The following CCDC93 variants were observed in gnomAD, a reference collection of about 807,000 sequenced individuals.
The protein encoded by CCDC93 is coiled-coil domain-containing protein 93.
In CCDC93, 61 loss-of-function variants were observed where a neutral mutation model predicts 108.2. The ratio of observed to expected loss-of-function variants is 0.56; its 90% confidence interval spans 0.46 to 0.70. The LOEUF is 0.70. CCDC93 is among the 30% of genes least tolerant of loss of function. The pLI is 0.00. For missense variants in CCDC93, 685 were observed against 764.2 expected (o/e 0.90, Z 1.22); for synonymous variants, 276 against 260.4 (o/e 1.06, Z -0.58).
intron 16 of CCDC93, among the ~76,000 whole-genome samples, chr2:117,946,143 G>A (rs17511227): frequency 1.3e-5 from 2 of 152,202 alleles, no homozygotes; most frequent in East Asian, 1.9e-4. Flanking sequence ...GCAGTGTCCT[G>A]TACAGCCATG....
intron 11 of CCDC93, among the ~76,000 whole-genome samples, chr2:117,961,852 C>T (rs1679405622): frequency 1.3e-5 from 2 of 152,354 alleles, no homozygotes; most frequent in African/African-American, 4.8e-5. Context: ...CAAAATGCAA[C>T]ATCTGTCAAA....
intron 3 of CCDC93, among the ~76,000 whole-genome samples, chr2:118,004,071 C>T (rs1676793246): frequency 6.6e-6 from 1 of 152,198 alleles, no homozygotes; most frequent in Admixed American, 6.5e-5. Flanking sequence ...CTGCAAACAG[C>T]TTGAAAGACA....
chr2:117,936,267 C>T (rs1378072421), intron 21 of CCDC93, among the ~76,000 whole-genome samples: 1 of 152,000 alleles, frequency 6.6e-6, no homozygotes, highest in East Asian at 1.9e-4. Context: ...GATTTGGGAA[C>T]AGGTGGGCCT....
chr2:117,969,689 C>T (rs1179466811), intron 11 of CCDC93, among the ~76,000 whole-genome samples: 3 of 152,188 alleles, frequency 2.0e-5, no homozygotes, highest in Non-Finnish European at 4.4e-5. Flanking sequence ...GACAAGGCCA[C>T]CCTATGACTA....
chr2:117,983,301 A>G (rs180866478), intron 7 of CCDC93, among the ~76,000 whole-genome samples: 1 of 152,296 alleles, frequency 6.6e-6, no homozygotes, highest in African/African-American at 2.4e-5. Flanking sequence ...AAGGACATAT[A>G]GGCATCTGGA....
chr2:118,004,031 A>C (rs946939276), intron 3 of CCDC93, among the ~76,000 whole-genome samples: 2 of 152,204 alleles, frequency 1.3e-5, no homozygotes, highest in Non-Finnish European at 2.9e-5. Flanking sequence ...TTAGTTTTTA[A>C]GAGTGTTCAG....
chr2:117,977,060 C>T (rs1360999111), intron 8 of CCDC93, among the ~76,000 whole-genome samples: 4 of 151,906 alleles, frequency 2.6e-5, no homozygotes, highest in South Asian at 2.1e-4. Context: ...CTCAGCCTCC[C>T]GAGTAGCTGG....
chr2:117,972,717 A>T (rs1012592784), intron 11 of CCDC93, among the ~76,000 whole-genome samples: 1 of 152,180 alleles, frequency 6.6e-6, no homozygotes, highest in Non-Finnish European at 1.5e-5. Context: ...CAGGAAACGA[A>T]GACACTTTCT....
At chr2:117,936,453 G>C (rs1429344588) in intron 21 of CCDC93, 1 of 444,732 alleles carries the variant, frequency 2.2e-6, no homozygotes, top group Non-Finnish European at 4.0e-6. Flanking sequence ...GGTGGGTACA[G>C]TCAAAGTATT....
intron 11 of CCDC93, among the ~76,000 whole-genome samples, chr2:117,966,963 T>C (rs563023675): frequency 6.6e-6 from 1 of 152,318 alleles, no homozygotes; most frequent in Admixed American, 6.5e-5. Context: ...GATCAAGATG[T>C]TGACATTCTT....
chr2:117,959,080 G>T (rs1679308994), intron 11 of CCDC93, among the ~76,000 whole-genome samples: 1 of 152,198 alleles, frequency 6.6e-6, no homozygotes, highest in Admixed American at 6.5e-5. Flanking sequence ...GGAGGAGGGG[G>T]TGGAGAAGGA....
intron 4 of CCDC93, chr2:117,997,533 C>T (rs1208743455): frequency 1.3e-5 from 2 of 152,168 alleles, no homozygotes; most frequent in African/African-American, 2.4e-5. Flanking sequence ...ACGGTGTTCC[C>T]GCAGATGTTT....
At chr2:117,937,903 T>A (rs1414081076) in intron 20 of CCDC93, among the ~76,000 whole-genome samples, 1 of 152,184 alleles carries the variant, frequency 6.6e-6, no homozygotes, top group Non-Finnish European at 1.5e-5. Flanking sequence ...CCCTCTAGGA[T>A]GACAGAGATC....
chr2:118,007,444 G>C (rs998247276), intron 2 of CCDC93, among the ~76,000 whole-genome samples: 1 of 152,218 alleles, frequency 6.6e-6, no homozygotes, highest in Non-Finnish European at 1.5e-5. Flanking sequence ...GGCTGAGGCG[G>C]GTGGATCACG....
chr2:117,936,580 A>T, intron 21 of CCDC93, 122 bp downstream of exon 21: 1 of 804,354 alleles, frequency 1.2e-6, no homozygotes, highest in South Asian at 1.4e-5. Context: ...AGTAAGAATC[A>T]CATACCCAGT....
intron 1 of CCDC93, among the ~76,000 whole-genome samples, chr2:118,011,498 G>A (rs10207415): frequency 0.97 from 147,638 of 152,284 alleles, 71,753 homozygotes; most frequent in Middle Eastern, 1. Flanking sequence ...GTTGAGAAAC[G>A]TCTACAAGTG....
intron 11 of CCDC93, among the ~76,000 whole-genome samples, chr2:117,973,559 T>C (rs1248887594): frequency 2.6e-5 from 4 of 152,180 alleles, no homozygotes; most frequent in Non-Finnish European, 5.9e-5. Context: ...CTTCATTCCC[T>C]AGCCCAATCA....
intron 13 of CCDC93, chr2:117,950,870 C>T (rs559731165): frequency 2.9e-5 from 29 of 985,398 alleles, no homozygotes; most frequent in South Asian, 4.7e-5. Flanking sequence ...TCCTGACACC[C>T]GGCTGCATGG....
At chr2:117,944,997 A>G (rs1445581662) in intron 17 of CCDC93, among the ~76,000 whole-genome samples, 3 of 152,224 alleles carry the variant, frequency 2.0e-5, no homozygotes, top group African/African-American at 7.2e-5. Context: ...CTTTGGGCCA[A>G]ATATGCCTTG....
Sources: allele counts gnomAD v4.1 joint callset (sites outside exome capture counted in the v4.1 genomes callset), GRCh38; gene constraint gnomAD v4.1.1; transcripts MANE v1.5; gene names NCBI Gene and HGNC (gene_info 2026-07-23, HGNC 2026-07-21).